The following SLC1A5 variants were observed in gnomAD, a reference collection of about 807,000 sequenced individuals.
SLC1A5 encodes the protein neutral amino acid transporter B(0).
In SLC1A5, 25 loss-of-function variants were observed where a neutral mutation model predicts 34.9. The ratio of observed to expected loss-of-function variants is 0.72; its 90% CI spans 0.52 to 1.00. The LOEUF (loss-of-function observed/expected upper bound fraction) is 1.00. SLC1A5 is among the 50% of genes least tolerant of loss of function. The pLI, the probability that SLC1A5 is intolerant of heterozygous loss-of-function variation, is 0.00. For missense variants in SLC1A5, 637 were observed against 740.0 expected (o/e 0.86, Z 1.61); for synonymous variants, 351 against 341.2 (o/e 1.03, Z -0.32).
chr19:46,782,351 A>ACCCCCCCCCCACCACCCCCC, intron 4 of SLC1A5, 32 bp downstream of exon 4: 1 of 256,186 alleles, frequency 3.9e-6, no homozygotes. Context: ...CTCCAACCCC[A>ACCCCCCCCCCACCACCCCCC]CCCACCCCCA....
chr19:46,780,118 C>G (rs547302343), intron 4 of SLC1A5, among the ~76,000 whole-genome samples: 158 of 152,090 alleles, frequency 1.0e-3, no homozygotes, highest in African/African-American at 3.7e-3. Flanking sequence ...TCCCAAAGTG[C>G]TGGGATTATA....
intron 1 of SLC1A5, among the ~76,000 whole-genome samples, chr19:46,785,742 T>C (rs2122699724): frequency 6.6e-6 from 1 of 152,310 alleles, no homozygotes; most frequent in East Asian, 1.9e-4. Context: ...TGTCCATGGA[T>C]GGCCACCCAT....
chr19:46,787,630 C>G lies in SLC1A5; in HGVS notation c.336G>C (p.Leu112Phe), dbSNP rs1256625434. The G allele has an allele frequency of 4.4e-6, 7 of 1,574,910 alleles. No individual in the cohort carries two copies. Among genetic ancestry groups the G allele is most frequent in the East Asian group, 2.3e-5 (1 of 43,324 alleles). Residue 112 changes from leucine (L) to phenylalanine (F), a missense_variant, in exon 1 of 8, where the codon TTG becomes TTC. Transcript: ENST00000542575. This position sits in a 1 kb window ranked among gnomAD's most constrained non-coding sequence, Gnocchi z 5.2. ...GGTCCAGGCTGGCGGCGCCGCCGATCAAGCTGCACACCACCAGCGGCAAGA... is the reference window on the plus strand; with the variant it reads ...GGTCCAGGCTGGCGGCGCCGCCGATGAAGCTGCACACCACCAGCGGCAAGA... The part of the protein sequence containing the change: ...MIILPLVVCS[L>F]IGGAASLDPG...
At position 46,777,129 on chromosome 19, in the gene SLC1A5, G is replaced by A. The variant is rs757879191; in HGVS notation, c.1254-20C>T. On this transcript the variant is annotated intron_variant, in intron 6 of 7. Transcript: ENST00000542575. ...GTGACCCTGAGGGAGAAGGTGGGAG[G>A]TTAGGCAGATGCCTGTCTTGTGGGA... 6.2e-6 allele frequency: 10 copies of A among 1,612,286 alleles called. No individual in the cohort carries two copies. Among genetic ancestry groups the A allele is most frequent in the South Asian group, 1.1e-5 (1 of 90,968 alleles).
intron 4 of SLC1A5, among the ~76,000 whole-genome samples, chr19:46,780,282 T>C (rs1390576690): frequency 6.6e-6 from 1 of 152,050 alleles, no homozygotes; most frequent in Non-Finnish European, 1.5e-5. Flanking sequence ...TGCAGTGAGC[T>C]GTGATCATGC....
At chr19:46,782,616 G>A in intron 3 of SLC1A5, 67 bp from the exon 4 acceptor site, 4 of 1,578,128 alleles carry the variant, frequency 2.5e-6, no homozygotes, top group Middle Eastern at 1.7e-4. Flanking sequence ...CTGAGGGCCT[G>A]TCCTTGGCAC....
At chr19:46,786,816 G>A (rs891056132) in intron 1 of SLC1A5, among the ~76,000 whole-genome samples, 14 of 152,172 alleles carry the variant, frequency 9.2e-5, no homozygotes, top group African/African-American at 2.9e-4. Flanking sequence ...GGAAAGGCAG[G>A]GGTGGCAGGG....
At chr19:46,778,646 T>TACCCC in intron 5 of SLC1A5, 29 bp downstream of exon 5, 1 of 1,235,838 alleles carries the variant, frequency 8.1e-7, no homozygotes. Flanking sequence ...GGATTAAACA[T>TACCCC]CCCACCCTAG....
intron 4 of SLC1A5, among the ~76,000 whole-genome samples, chr19:46,779,946 A>G (rs10401574): frequency 0.79 from 119,441 of 151,224 alleles, 47,614 homozygotes; most frequent in African/African-American, 0.89. Flanking sequence ...TCCGCCTCCC[A>G]GGTTCAAGCG....
intron 4 of SLC1A5, among the ~76,000 whole-genome samples, chr19:46,780,317 C>G (rs923820231): frequency 6.6e-6 from 1 of 151,896 alleles, no homozygotes; most frequent in Non-Finnish European, 1.5e-5. Flanking sequence ...ACCTAGGCAA[C>G]AGAGCGAGAT....
Position 46,775,196 on chromosome 19 carries a change from G to A in SLC1A5, c.*314C>T. On this transcript the variant is annotated 3_prime_UTR_variant, in exon 8 of 8. Transcript: ENST00000542575. ...AATTCCCCATGGTGACCTGTGACCT[G>A]CTCCCTGAGACAGGGGAGGCCAGGC... The A allele has an allele frequency of 9.1e-7, 1 of 1,094,076 alleles. No individual in the cohort carries two copies. Among genetic ancestry groups the A allele is most frequent in the Non-Finnish European group, 1.1e-6 (1 of 896,308 alleles). The allele number at this position is 1,094,076 out of a possible 1,614,324, so 67.8% of individuals were successfully genotyped here.
chr19:46,784,228 GCCC>G (rs2055169919), intron 2 of SLC1A5, 84 bp from the exon 3 acceptor site: 3 of 1,057,186 alleles, frequency 2.8e-6, no homozygotes, highest in Non-Finnish European at 4.3e-6. Context: ...CTCAAAGCCT[GCCC>G]TTCCACATCC....
rs1427502132 is a variant in SLC1A5 at position 46,787,938 on chromosome 19, T to A, written c.28A>T (p.Lys10Ter). The change falls in exon 1 of 8, where the codon AAG (lysine) becomes TAG (stop). Residue 10 changes from lysine to a stop codon, truncating the protein, a stop_gained. Transcript: ENST00000542575. LOFTEE classifies it high-confidence loss of function. The surrounding 1 kb of genome is among the most constrained non-coding windows in gnomAD (Gnocchi z 5.2). MVADPPRDS[K>*]GLAAAEPTAN... ...GTGGGCTCCGCCGCTGCGAGCCCCT[T>A]GGAGTCTCGAGGAGGATCGGCCACC... is the stretch of plus-strand genomic sequence containing the variant. 1 of 1,576,614 alleles carries A rather than the reference T, an allele frequency of 6.3e-7. No individual in the cohort carries two copies.
At position 46,787,841 on chromosome 19, in the gene SLC1A5, C is replaced by T. The variant is rs2055198062; in HGVS notation, c.125G>A (p.Arg42Gln). The T allele has an allele frequency of 5.8e-6, 9 of 1,553,064 alleles. No homozygotes were observed. The highest frequency in any genetic ancestry group is 1.2e-5 in the South Asian group (1 of 84,562). ...TCGAAGGCAGCGGCGCACCTGGTCC[C>T]GGGAACCGCAGTAGCCGCCTGCTGC... ...GAAAGGYCGS[R>Q]DQVRRCLRAN... Residue 42 changes from arginine to glutamine, a missense_variant, in exon 1 of 8, where the codon CGG becomes CAG. Coordinates refer to ENST00000542575, the MANE Select transcript of SLC1A5 (RefSeq NM_005628.3). This position sits in a 1 kb window ranked among gnomAD's most constrained non-coding sequence, Gnocchi z 5.2.
At chr19:46,783,058 A>G (rs900244563) in intron 3 of SLC1A5, among the ~76,000 whole-genome samples, 2 of 152,194 alleles carry the variant, frequency 1.3e-5, no homozygotes, top group African/African-American at 4.8e-5. Flanking sequence ...TTGACCTCAC[A>G]GGGAGCCCTT....
rs1053226135 is a variant in SLC1A5 at position 46,788,137 on chromosome 19, G to T, written c.-172C>A. ...CAGCACTGAAGTTCCTTGGCTCTTG[G>T]AAGCTGGAGTGTTTAAATTCCCCAG... On this transcript the variant is annotated 5_prime_UTR_variant, in exon 1 of 8. Transcript: ENST00000542575. 6.6e-6 allele frequency: 4 copies of T among 609,412 alleles called. No homozygotes were observed. The highest frequency in any genetic ancestry group is 1.1e-5 in the Non-Finnish European group (4 of 358,228). The allele number at this position is 609,412 out of a possible 1,614,324, so 37.8% of individuals were successfully genotyped here. A position where few individuals can be genotyped will look rare whatever the true frequency, so the allele number is the denominator to read the frequency against.
intron 5 of SLC1A5, 24 bp downstream of exon 5, chr19:46,778,650 AC>A: frequency 9.4e-6 from 6 of 641,688 alleles, no homozygotes; most frequent in Non-Finnish European, 1.8e-5. Context: ...TAAACATCCC[AC>A]CCTAGCCCAC....
intron 4 of SLC1A5, 40 bp downstream of exon 4, chr19:46,782,343 C>CCCACCCCCCCCCCCCCCCCCCCCCCCA: frequency 2.2e-6 from 1 of 459,572 alleles, no homozygotes. Flanking sequence ...GACCGACCCT[C>CCCACCCCCCCCCCCCCCCCCCCCCCCA]CAACCCCACC....
intron 4 of SLC1A5, among the ~76,000 whole-genome samples, chr19:46,780,555 G>A (rs1483766634): frequency 6.6e-6 from 1 of 151,004 alleles, no homozygotes; most frequent in Non-Finnish European, 1.5e-5. Flanking sequence ...AGGGTTTTTC[G>A]CCATGTTGAC....
Sources: gnomAD v4.1 joint callset for allele counts (sites outside exome capture counted in the v4.1 genomes callset) on GRCh38, gnomAD v4.1.1 for gene constraint, Gnocchi (gnomAD v3.1) non-coding constraint, MANE v1.5 for transcripts, NCBI Gene and HGNC (gene_info 2026-07-23, HGNC 2026-07-21) for gene names.